Variants in NFIB observed in about 807,000 individuals in gnomAD.
NFIB encodes the protein nuclear factor 1 B-type.
A neutral mutation model predicts 61.5 loss-of-function variants in NFIB; 11 were observed. That is an observed-to-expected ratio of 0.18 (90% CI 0.11 to 0.30). The LOEUF (loss-of-function observed/expected upper bound fraction) is 0.30, where lower values mean the gene tolerates loss of function less well. Ranked by LOEUF, NFIB falls within the 10% of genes least tolerant of loss-of-function variation. NFIB has a pLI of 1.00. For missense variants in NFIB, 471 were observed against 608.9 expected (o/e 0.77, Z 2.38); for synonymous variants, 260 against 216.5 (o/e 1.20, Z -1.76).
chr9:14,473,653 G>A, the NFIB span, among the ~76,000 whole-genome samples: 30 of 152,236 alleles, frequency 2.0e-4, no homozygotes, highest in African/African-American at 6.7e-4. Context: ...ATCCCACTCT[G>A]TGCTGATAAT....
chr9:14,194,923 G>A (rs983056541), intron 2 of NFIB, among the ~76,000 whole-genome samples: 3 of 151,940 alleles, frequency 2.0e-5, no homozygotes, highest in African/African-American at 7.3e-5. Flanking sequence ...AATATTGGAG[G>A]TGCACTCTAC....
intron 2 of NFIB, among the ~76,000 whole-genome samples, chr9:14,240,317 A>G (rs2054224299): frequency 6.6e-6 from 1 of 152,072 alleles, no homozygotes; most frequent in Admixed American, 6.6e-5. Flanking sequence ...ATATCCTGCC[A>G]TATATCTTTA....
At chr9:14,486,442 G>A in the NFIB span, among the ~76,000 whole-genome samples, 1 of 152,110 alleles carries the variant, frequency 6.6e-6, no homozygotes, top group Non-Finnish European at 1.5e-5. Context: ...ATGGTGATCT[G>A]GATTAAAAAC....
intron 10 of NFIB, among the ~76,000 whole-genome samples, chr9:14,095,324 C>G (rs2034604898): frequency 6.6e-6 from 1 of 152,054 alleles, no homozygotes; most frequent in Admixed American, 6.6e-5. Context: ...TACACACATG[C>G]ATACATATAT....
chr9:14,355,339 G>A (rs1480783564), intron 1 of NFIB, among the ~76,000 whole-genome samples: 1 of 152,108 alleles, frequency 6.6e-6, no homozygotes, highest in Non-Finnish European at 1.5e-5. Context: ...AAAGAAAGAG[G>A]CCTCGGAAGA....
chr9:14,226,459 G>T (rs548541180), intron 2 of NFIB, among the ~76,000 whole-genome samples: 1 of 151,244 alleles, frequency 6.6e-6, no homozygotes, highest in East Asian at 2.0e-4. Flanking sequence ...CAGATGACAG[G>T]ATCTCTTGAA....
intron 2 of NFIB, among the ~76,000 whole-genome samples, chr9:14,233,775 T>C (rs557823731): frequency 5.3e-5 from 8 of 152,310 alleles, no homozygotes; most frequent in South Asian, 2.1e-4. Context: ...ACTACAAATA[T>C]TGAAAGGTGA....
the NFIB span, among the ~76,000 whole-genome samples, chr9:14,511,285 T>C: frequency 6.6e-6 from 1 of 152,126 alleles, no homozygotes; most frequent in Non-Finnish European, 1.5e-5. Context: ...TTATTGCTTC[T>C]TTAAATTTTT....
At position 14,082,995 on chromosome 9, in the gene NFIB, G is replaced by A; in HGVS notation, c.*5314C>T. On this transcript the variant is annotated 3_prime_UTR_variant, in exon 11 of 11. Transcript: ENST00000380953. ...ATCAAGGGCTTAGTCTAGTGTACCG[G>A]TAAGCTAGTGGCACTGAAGCGCTTT... The A allele has an allele frequency of 4.9e-6, 1 of 205,390 alleles. No homozygotes were observed. Among genetic ancestry groups the A allele is most frequent in the Non-Finnish European group, 9.9e-6 (1 of 100,520 alleles). 12.7% of individuals were successfully genotyped at this position (205,390 alleles called of 1,614,324 possible). A position where few individuals can be genotyped will look rare whatever the true frequency, so the allele number is the denominator to read the frequency against.
At chr9:14,217,870 C>G (rs994482248) in intron 2 of NFIB, among the ~76,000 whole-genome samples, 22 of 151,952 alleles carry the variant, frequency 1.4e-4, no homozygotes, top group African/African-American at 5.3e-4. Flanking sequence ...ATACTCCTGC[C>G]ACTGAGATAA....
chr9:14,237,809 TG>T (rs2132006525), intron 2 of NFIB, among the ~76,000 whole-genome samples: 1 of 114,666 alleles, frequency 8.7e-6, no homozygotes, highest in Non-Finnish European at 1.9e-5. Context: ...TGTGTGTGTG[TG>T]TGTGTAAGCT....
At chr9:14,468,180 G>T in the NFIB span, among the ~76,000 whole-genome samples, 4 of 152,362 alleles carry the variant, frequency 2.6e-5, no homozygotes, top group Admixed American at 6.5e-5. Context: ...TACGAAGCAT[G>T]ATGTCATCAG....
the NFIB span, among the ~76,000 whole-genome samples, chr9:14,429,780 C>A: frequency 6.6e-6 from 1 of 152,190 alleles, no homozygotes. Flanking sequence ...GCAGCAACAA[C>A]CTCTCTGGCC....
chr9:14,164,104 A>T (rs1172697504), intron 3 of NFIB, among the ~76,000 whole-genome samples: 1 of 152,084 alleles, frequency 6.6e-6, no homozygotes, highest in South Asian at 2.1e-4. Context: ...GCTGAAATTA[A>T]CAGAATAGAA....
intron 2 of NFIB, among the ~76,000 whole-genome samples, chr9:14,234,047 G>A (rs933863716): frequency 1.3e-5 from 2 of 152,154 alleles, no homozygotes; most frequent in African/African-American, 4.8e-5. Flanking sequence ...ACATGTCAAG[G>A]AAAGGAGACT....
intron 4 of NFIB, among the ~76,000 whole-genome samples, chr9:14,150,902 A>C (rs1044727004): frequency 2.0e-5 from 3 of 152,116 alleles, no homozygotes; most frequent in African/African-American, 7.2e-5. Context: ...ATTATTATGC[A>C]TTGTATGTCT....
chr9:14,213,509 C>T (rs1483907998), intron 2 of NFIB, among the ~76,000 whole-genome samples: 1 of 152,158 alleles, frequency 6.6e-6, no homozygotes, highest in African/African-American at 2.4e-5. Flanking sequence ...CAGATAGGGC[C>T]CATGAATCTG....
chr9:14,297,220 G>A (rs970067057), intron 2 of NFIB, among the ~76,000 whole-genome samples: 1 of 152,176 alleles, frequency 6.6e-6, no homozygotes, highest in African/African-American at 2.4e-5. Flanking sequence ...ACTGTCATCT[G>A]ACCCCTTAGC....
At chr9:14,151,848 T>C (rs2042908278) in intron 4 of NFIB, among the ~76,000 whole-genome samples, 1 of 152,094 alleles carries the variant, frequency 6.6e-6, no homozygotes, top group African/African-American at 2.4e-5. Context: ...CTAGAGCCCC[T>C]GAGATGCACT....
Sources: allele counts gnomAD v4.1 joint callset (sites outside exome capture counted in the v4.1 genomes callset), GRCh38; gene constraint gnomAD v4.1.1; transcripts MANE v1.5; gene names NCBI Gene and HGNC (gene_info 2026-07-23, HGNC 2026-07-21).